Variants in NNT observed in about 807,000 individuals in gnomAD.
NNT encodes NAD(P) transhydrogenase, mitochondrial.
A neutral mutation model predicts 104.8 loss-of-function variants in NNT; 50 were observed. The ratio of observed to expected loss-of-function variants is 0.48; its 90% CI spans 0.38 to 0.60. NNT has a LOEUF of 0.60. Ranked by LOEUF, NNT falls within the 20% of genes least tolerant of loss-of-function variation. The pLI, the probability that NNT is intolerant of heterozygous loss-of-function variation, is 0.00. For missense variants in NNT, 1,131 were observed against 1,330.7 expected (o/e 0.85, Z 2.33); for synonymous variants, 461 against 490.4 (o/e 0.94, Z 0.79).
intron 17 of NNT, among the ~76,000 whole-genome samples, chr5:43,674,019 CAAA>C (rs71610324): frequency 6.3e-5 from 7 of 110,976 alleles, no homozygotes; most frequent in Admixed American, 9.6e-5. Flanking sequence ...GACTCCATCT[CAAA>C]AAAAAAAAAA....
chr5:43,663,395 C>T (rs1740473999), intron 17 of NNT, among the ~76,000 whole-genome samples: 1 of 152,168 alleles, frequency 6.6e-6, no homozygotes, highest in Middle Eastern at 3.2e-3. Flanking sequence ...GTTTGTCTTA[C>T]TGTATGATCT....
intron 5 of NNT, among the ~76,000 whole-genome samples, chr5:43,620,116 GT>G (rs1416423776): frequency 6.6e-6 from 1 of 152,150 alleles, no homozygotes; most frequent in Admixed American, 6.5e-5. Context: ...GTCAACATGA[GT>G]TTTCGTGGGA....
At position 43,613,105 on chromosome 5, in the gene NNT, A is replaced by C. The variant is rs777968362; in HGVS notation, c.349A>C (p.Lys117Gln). Residue 117 changes from lysine to glutamine, a missense_variant, in exon 3 of 22, where the codon AAG becomes CAG. Lys to Gln is a moderately conservative substitution (Grantham distance 53). Transcript: ENST00000344920. ...GGCAGGTGCCCAAATCCAAGGGGCA[A>C]AGGAAGTGCTGGCTTCTGATTTGGT... ...RVAGAQIQGA[K>Q]EVLASDLVVK... 1 of 1,614,024 alleles carries C rather than the reference A, an allele frequency of 6.2e-7. No homozygotes were observed. Among genetic ancestry groups the C allele is most frequent in the Non-Finnish European group, 8.5e-7 (1 of 1,179,924 alleles).
intron 7 of NNT, among the ~76,000 whole-genome samples, chr5:43,628,933 A>G (rs1191323529): frequency 1.4e-5 from 2 of 145,556 alleles, no homozygotes; most frequent in East Asian, 2.0e-4. Context: ...TGTGTGTACA[A>G]TGTTTTTTTT....
chr5:43,702,457 G>A (rs1360442953), intron 20 of NNT, among the ~76,000 whole-genome samples, 164 bp from the exon 21 acceptor site: 1 of 152,132 alleles, frequency 6.6e-6, no homozygotes, highest in Non-Finnish European at 1.5e-5. Context: ...TGGCCGAGTT[G>A]CTTAACCTCT....
At chr5:43,631,859 G>A (rs1750692385) in intron 7 of NNT, among the ~76,000 whole-genome samples, 3 of 150,756 alleles carry the variant, frequency 2.0e-5, no homozygotes, top group Admixed American at 6.6e-5. Flanking sequence ...CTGAAGCCAC[G>A]ATCTGAAGAT....
At chr5:43,694,527 A>G (rs1441822440) in intron 19 of NNT, among the ~76,000 whole-genome samples, 1 of 152,170 alleles carries the variant, frequency 6.6e-6, no homozygotes, top group Admixed American at 6.5e-5. Flanking sequence ...TTCTGCATCT[A>G]TTGAGATAAT....
chr5:43,668,170 T>G (rs1740820810), intron 17 of NNT, among the ~76,000 whole-genome samples: 1 of 152,212 alleles, frequency 6.6e-6, no homozygotes, highest in Non-Finnish European at 1.5e-5. Context: ...ATTCTGGATA[T>G]TAGCCCTTTG....
At chr5:43,645,992 C>A (rs147582057) in intron 10 of NNT, among the ~76,000 whole-genome samples, 2 of 151,694 alleles carry the variant, frequency 1.3e-5, no homozygotes, top group African/African-American at 2.4e-5. Context: ...AGATTACAGG[C>A]GTGAGCCACT....
At chr5:43,657,160 T>A (rs1390122197) in intron 16 of NNT, among the ~76,000 whole-genome samples, 2 of 152,176 alleles carry the variant, frequency 1.3e-5, no homozygotes, top group African/African-American at 2.4e-5. Flanking sequence ...TACAAAATAG[T>A]GCTTCGGGGT....
intron 17 of NNT, among the ~76,000 whole-genome samples, chr5:43,666,358 A>T (rs1349799565): frequency 6.6e-6 from 1 of 152,176 alleles, no homozygotes; most frequent in Non-Finnish European, 1.5e-5. Context: ...TGGGAGGCCG[A>T]GGCTGTCAGA....
At chr5:43,621,762 C>T (rs919213329) in intron 5 of NNT, among the ~76,000 whole-genome samples, 2 of 152,142 alleles carry the variant, frequency 1.3e-5, no homozygotes, top group Non-Finnish European at 2.9e-5. Flanking sequence ...GTAATGGGCA[C>T]AGGCCACTTT....
At chr5:43,609,023 T>C (rs1393772548) in intron 1 of NNT, 120 bp from the exon 2 acceptor site, 1 of 487,408 alleles carries the variant, frequency 2.1e-6, no homozygotes, top group Non-Finnish European at 3.6e-6. Context: ...TTTATAGATG[T>C]CTACATGTAA....
At chr5:43,695,355 T>C (rs1411078480) in intron 19 of NNT, among the ~76,000 whole-genome samples, 1 of 152,118 alleles carries the variant, frequency 6.6e-6, no homozygotes, top group East Asian at 1.9e-4. Context: ...TTGTGAAAAA[T>C]AACAAGGCAT....
At chr5:43,693,934 C>T (rs1333629454) in intron 19 of NNT, among the ~76,000 whole-genome samples, 1 of 152,078 alleles carries the variant, frequency 6.6e-6, no homozygotes, top group South Asian at 2.1e-4. Context: ...ATTAATAGTT[C>T]ATTCTCTGCA....
At chr5:43,646,911 T>C (rs1485594277) in intron 10 of NNT, among the ~76,000 whole-genome samples, 1 of 152,202 alleles carries the variant, frequency 6.6e-6, no homozygotes, top group East Asian at 1.9e-4. Flanking sequence ...AATAATTTAT[T>C]GTAAAGTGAT....
chr5:43,652,776 A>G (rs537425091), intron 13 of NNT, among the ~76,000 whole-genome samples: 1 of 152,296 alleles, frequency 6.6e-6, no homozygotes, highest in South Asian at 2.1e-4. Context: ...CTTTTACAGC[A>G]TTTGGTCAGG....
chr5:43,657,190 T>G (rs956742892), intron 16 of NNT, among the ~76,000 whole-genome samples: 4 of 152,184 alleles, frequency 2.6e-5, no homozygotes, highest in African/African-American at 9.7e-5. Context: ...ACAAGTAAGA[T>G]AGTCTCTGCC....
At chr5:43,677,526 G>A (rs1276122748) in intron 18 of NNT, among the ~76,000 whole-genome samples, 199 bp from the exon 19 acceptor site, 1 of 151,962 alleles carries the variant, frequency 6.6e-6, no homozygotes, top group Non-Finnish European at 1.5e-5. Context: ...GAAGATTGAG[G>A]AGCAATCATT....
Sources: allele counts gnomAD v4.1 joint callset (sites outside exome capture counted in the v4.1 genomes callset), GRCh38; gene constraint gnomAD v4.1.1; transcripts MANE v1.5; gene names NCBI Gene and HGNC (gene_info 2026-07-23, HGNC 2026-07-21).